Variants in DNM2 observed in about 807,000 individuals in gnomAD.
DNM2 encodes the protein dynamin-2.
DNM2 carries 15 observed loss-of-function variants against 99.0 expected under a neutral mutation model. The observed-to-expected ratio is 0.15, with a 90% CI of 0.10 to 0.23. The LOEUF is 0.23. Among genes scored for constraint, DNM2 ranks in the 10% least tolerant of loss-of-function variants. DNM2 has a pLI of 1.00. For synonymous variants in DNM2, 525 were observed against 481.2 expected (o/e 1.09, Z -1.19); for missense variants, 742 against 1,189.4 (o/e 0.62, Z 5.53).
chr19:10,793,361 T>TG (rs1283713678), intron 7 of DNM2, among the ~76,000 whole-genome samples: 25 of 152,154 alleles, frequency 1.6e-4, no homozygotes, highest in Admixed American at 7.9e-4. Flanking sequence ...ACCTGAATTG[T>TG]GGGGAAGTGG....
chr19:10,777,206 G>A lies in DNM2; in HGVS notation c.678G>A (p.Pro226=), dbSNP rs746637292. 28 of 1,614,164 alleles carry A rather than the reference G, an allele frequency of 1.7e-5. 1 individual carries two copies. Among genetic ancestry groups the A allele is most frequent in the Admixed American group, 6.7e-5 (4 of 60,016 alleles). ...ARDVLENKLL[P]LRRGYIGVVN... The stretch of plus-strand genomic sequence containing the variant: ...ACGTCTTGGAGAACAAGTTGCTCCC[G>A]TTGAGAAGAGGTGTGGCTTTGGGGG... Residue 226 remains proline, a synonymous_variant, in exon 5 of 21, where the codon CCG becomes CCA. Coordinates refer to ENST00000389253, the MANE Select transcript of DNM2 (RefSeq NM_001005361.3).
At position 10,818,407 on chromosome 19, in the gene DNM2, A is replaced by G. The variant is rs1599616717; in HGVS notation, c.1672-1573A>G. Among the ~76,000 whole-genome samples the G allele has an allele frequency of 6.6e-6, 1 of 152,352 alleles. No homozygotes were observed. The highest frequency in any genetic ancestry group is 3.4e-3 in the Middle Eastern group (1 of 294). ...CATGGGCACCAGCTCTGCAGTGGGC[A>G]CCAAGCTCCTCCATCCTCCTTGGAT... On this transcript the variant is annotated intron_variant, in intron 15 of 20. Transcript: ENST00000389253. The surrounding 1 kb of genome is among the most constrained non-coding windows in gnomAD (Gnocchi z 4.3).
rs1186851243 is a variant in DNM2 at position 10,718,112 on chromosome 19, G to T, written c.-131G>T. ...GATGAGGCGGCGACCGTGAGGCCGA[G>T]CCGGGAGCGGGCGTCTTGCCGAGGC... On this transcript the variant is annotated 5_prime_UTR_variant, in exon 1 of 21. Transcript: ENST00000389253. The T allele has an allele frequency of 1.2e-5, 13 of 1,089,108 alleles. No individual in the cohort carries two copies. Among genetic ancestry groups the T allele is most frequent in the South Asian group, 3.3e-5 (1 of 30,152 alleles). 67.5% of individuals were successfully genotyped at this position (1,089,108 alleles called of 1,614,324 possible). A position where few individuals can be genotyped will look rare whatever the true frequency, so the allele number is the denominator to read the frequency against.
intron 1 of DNM2, among the ~76,000 whole-genome samples, chr19:10,758,335 T>TTCCC (rs2070477334): frequency 5.4e-5 from 3 of 55,822 alleles, no homozygotes; most frequent in Admixed American, 1.9e-4. Flanking sequence ...CCCTCCTTCC[T>TTCCC]TCCCTCCTTC....
intron 1 of DNM2, among the ~76,000 whole-genome samples, chr19:10,725,832 C>G (rs2069096223): frequency 6.6e-6 from 1 of 152,110 alleles, no homozygotes; most frequent in African/African-American, 2.4e-5. Flanking sequence ...TGGCTCACTG[C>G]AGCCTCCAAC....
intron 5 of DNM2, among the ~76,000 whole-genome samples, chr19:10,778,054 T>TATTC (rs1225308146): frequency 6.6e-6 from 1 of 151,230 alleles, no homozygotes; most frequent in African/African-American, 2.4e-5. Flanking sequence ...TTTATTTATT[T>TATTC]ATGAGACGGA....
intron 12 of DNM2, 41 bp downstream of exon 12, chr19:10,802,399 C>T (rs1186835413): frequency 6.2e-7 from 1 of 1,602,130 alleles, no homozygotes; most frequent in Non-Finnish European, 8.6e-7. Flanking sequence ...CGGCACCAAT[C>T]CTCACTCTCA....
Position 10,817,524 on chromosome 19 carries a change from C to T in DNM2, c.1672-2456C>T. ...GGCCGGCTATCCATCCTGCAGAACC[C>T]CCCAGGCAGACGCTGGGGCCACCAG... On this transcript the variant is annotated intron_variant, in intron 15 of 20. Transcript: ENST00000389253. The surrounding 1 kb of genome is among the most constrained non-coding windows in gnomAD (Gnocchi z 4.6). 1 of 442,068 alleles carries T rather than the reference C, an allele frequency of 2.3e-6. No individual in the cohort carries two copies. Among genetic ancestry groups the T allele is most frequent in the South Asian group, 1.6e-5 (1 of 61,238 alleles). 27.4% of individuals were successfully genotyped at this position (442,068 alleles called of 1,614,324 possible).
intron 12 of DNM2, among the ~76,000 whole-genome samples, chr19:10,804,003 TG>T (rs570123204): frequency 1.3e-5 from 2 of 152,188 alleles, no homozygotes; most frequent in South Asian, 4.1e-4. Context: ...AGTCAGGTGA[TG>T]CCAGGGGGAC....
At chr19:10,773,788 T>C (rs2071062155) in intron 3 of DNM2, among the ~76,000 whole-genome samples, 1 of 151,970 alleles carries the variant, frequency 6.6e-6, no homozygotes, top group South Asian at 2.1e-4. Flanking sequence ...CTTTTTTGTA[T>C]TTTTAGTAGA....
chr19:10,825,284 C>T (rs1376071372), intron 18 of DNM2, 63 bp downstream of exon 18: 40 of 1,603,862 alleles, frequency 2.5e-5, no homozygotes, highest in Admixed American at 3.4e-5. Flanking sequence ...CCTGTAATCC[C>T]AGCACTTTGG....
chr19:10,805,220 G>T (rs762895725), intron 12 of DNM2, among the ~76,000 whole-genome samples: 2 of 152,190 alleles, frequency 1.3e-5, no homozygotes, highest in African/African-American at 2.4e-5. Context: ...TTTGGGTCAG[G>T]AGTCATGCAA....
intron 1 of DNM2, among the ~76,000 whole-genome samples, chr19:10,738,105 G>A (rs1414238731): frequency 6.6e-6 from 1 of 152,052 alleles, no homozygotes; most frequent in African/African-American, 2.4e-5. Flanking sequence ...ACAACAGAAG[G>A]AAGTAGGCCG....
At chr19:10,806,134 G>A (rs935826590) in intron 13 of DNM2, among the ~76,000 whole-genome samples, 167 bp downstream of exon 13, 1 of 152,214 alleles carries the variant, frequency 6.6e-6, no homozygotes, top group Non-Finnish European at 1.5e-5. Flanking sequence ...ATAATTCTGG[G>A]AGATGGCCTG....
intron 1 of DNM2, among the ~76,000 whole-genome samples, chr19:10,728,944 CAAA>C (rs34423244): frequency 8.2e-6 from 1 of 121,932 alleles, no homozygotes; most frequent in African/African-American, 3.1e-5. Flanking sequence ...GACCCGGTCT[CAAA>C]AAAAAAAAAA....
intron 1 of DNM2, among the ~76,000 whole-genome samples, chr19:10,756,539 G>T (rs1246185917): frequency 2.6e-5 from 4 of 152,176 alleles, no homozygotes; most frequent in Non-Finnish European, 5.9e-5. Context: ...TTGAACTGGG[G>T]CACGTGGCGT....
At chr19:10,735,623 C>T (rs1051210717) in intron 1 of DNM2, among the ~76,000 whole-genome samples, 5 of 151,954 alleles carry the variant, frequency 3.3e-5, no homozygotes, top group African/African-American at 1.2e-4. Context: ...AAGCGATTCT[C>T]CTGCCTCAGC....
At position 10,718,253 on chromosome 19, in the gene DNM2, G is replaced by C; in HGVS notation, c.11G>C (p.Arg4Pro). Residue 4 changes from arginine to proline, a missense_variant, in exon 1 of 21, where the codon CGC becomes CCC. Transcript: ENST00000389253. ...GGGGCCGCCGGCGCCATGGGCAACC[G>C]CGGGATGGAAGAGCTGATCCCGCTG... The part of the protein sequence containing the change: MGN[R>P]GMEELIPLVN... The C allele has an allele frequency of 6.7e-7, 1 of 1,483,190 alleles. No individual in the cohort carries two copies. 91.9% of individuals were successfully genotyped at this position (1,483,190 alleles called of 1,614,324 possible). A position where few individuals can be genotyped will look rare whatever the true frequency, so the allele number is the denominator to read the frequency against.
In DNM2 at chr19:10,811,397, G is replaced by A. The variant is rs2072538121; in HGVS notation, c.1558-867G>A. The A allele has an allele frequency of 7.3e-6, 2 of 275,654 alleles. No homozygotes were observed. The highest frequency in any genetic ancestry group is 2.2e-5 in the African/African-American group (1 of 44,454). The allele number at this position is 275,654 out of a possible 1,614,324, so 17.1% of individuals were successfully genotyped here. On this transcript the variant is annotated intron_variant, in intron 14 of 20. Transcript: ENST00000389253. This position sits in a 1 kb window ranked among gnomAD's most constrained non-coding sequence, Gnocchi z 5.4. Reference sequence around the variant, plus strand: ...GATTCCTGGAGGCCCCATCTCTGGCGCTCCTGCCGTGCCGTGCCCTGCCAT... The same window carrying A: ...GATTCCTGGAGGCCCCATCTCTGGCACTCCTGCCGTGCCGTGCCCTGCCAT...
Sources: allele counts gnomAD v4.1 joint callset (sites outside exome capture counted in the v4.1 genomes callset), GRCh38; gene constraint gnomAD v4.1.1; non-coding constraint Gnocchi (gnomAD v3.1); transcripts MANE v1.5; gene names NCBI Gene and HGNC (gene_info 2026-07-23, HGNC 2026-07-21).